LRMDA: variants seen among roughly 807,000 people sequenced by gnomAD.
LRMDA encodes leucine-rich melanocyte differentiation-associated protein.
In LRMDA, 18 loss-of-function variants were observed where a neutral mutation model predicts 29.8. That is an observed-to-expected ratio of 0.60 (90% CI 0.42 to 0.90). The LOEUF (loss-of-function observed/expected upper bound fraction) is 0.90, where lower values mean the gene tolerates loss of function less well. LRMDA is among the 40% of genes least tolerant of loss of function. The pLI is 0.00. For missense variants in LRMDA, 273 were observed against 273.9 expected (o/e 1.00, Z 0.02); for synonymous variants, 125 against 109.4 (o/e 1.14, Z -0.89).
intron 2 of LRMDA, among the ~76,000 whole-genome samples, chr10:75,443,172 C>G (rs1844349535): frequency 6.6e-6 from 1 of 152,240 alleles, no homozygotes; most frequent in Middle Eastern, 3.4e-3. Flanking sequence ...TTACTTCCTC[C>G]TTTCCAATTT....
chr10:76,046,510 CTTT>C (rs1173356271), intron 3 of LRMDA, among the ~76,000 whole-genome samples: 2 of 151,650 alleles, frequency 1.3e-5, no homozygotes, highest in Admixed American at 6.6e-5. Flanking sequence ...TTGTTTTTTT[CTTT>C]TGAGACAGAG....
At chr10:76,540,627 GA>G in intron 6 of LRMDA, among the ~76,000 whole-genome samples, 1 of 152,298 alleles carries the variant, frequency 6.6e-6, no homozygotes, top group South Asian at 2.1e-4. Context: ...CATTGGAAAT[GA>G]AAACATATTA....
At chr10:76,135,154 A>G (rs1404191813) in intron 5 of LRMDA, among the ~76,000 whole-genome samples, 1 of 152,212 alleles carries the variant, frequency 6.6e-6, no homozygotes, top group Admixed American at 6.5e-5. Context: ...ATTATACTAT[A>G]CAGAAGGACC....
intron 2 of LRMDA, among the ~76,000 whole-genome samples, chr10:75,732,777 AGAGT>A (rs1425499067): frequency 6.6e-6 from 1 of 152,188 alleles, no homozygotes; most frequent in Non-Finnish European, 1.5e-5. Flanking sequence ...TACTTTTGAT[AGAGT>A]TCTGGATACC....
chr10:76,096,351 C>T (rs920759852), intron 5 of LRMDA, among the ~76,000 whole-genome samples: 6 of 151,920 alleles, frequency 3.9e-5, no homozygotes, highest in Non-Finnish European at 8.8e-5. Context: ...AGATATTGAA[C>T]TGCTTCAGCT....
At chr10:75,647,879 A>C (rs1161511387) in intron 2 of LRMDA, among the ~76,000 whole-genome samples, 1 of 151,668 alleles carries the variant, frequency 6.6e-6, no homozygotes, top group Admixed American at 6.6e-5. Flanking sequence ...CTCACCCACC[A>C]CCCCTACCCA....
At chr10:75,860,051 T>C (rs1844895706) in intron 2 of LRMDA, among the ~76,000 whole-genome samples, 1 of 152,180 alleles carries the variant, frequency 6.6e-6, no homozygotes, top group African/African-American at 2.4e-5. Context: ...AATTTCTAAT[T>C]ATACAGAAAA....
intron 6 of LRMDA, among the ~76,000 whole-genome samples, chr10:76,501,929 TGCCAAG>T (rs1474318667): frequency 5.3e-5 from 8 of 152,040 alleles, no homozygotes; most frequent in Admixed American, 5.3e-4. Flanking sequence ...CAAAATTCTT[TGCCAAG>T]GCCTCTGTCA....
chr10:75,609,115 G>T (rs962632977), intron 2 of LRMDA, among the ~76,000 whole-genome samples: 2 of 152,162 alleles, frequency 1.3e-5, no homozygotes, highest in African/African-American at 4.8e-5. Flanking sequence ...AGCATTCAGG[G>T]TTGTGCTAGC....
chr10:75,563,711 G>A (rs1449904273), intron 2 of LRMDA, among the ~76,000 whole-genome samples: 2 of 151,938 alleles, frequency 1.3e-5, no homozygotes, highest in African/African-American at 4.8e-5. Context: ...GATTTTTGGT[G>A]TGGATGTCCT....
chr10:76,038,944 G>A (rs1848297160), intron 3 of LRMDA, among the ~76,000 whole-genome samples: 1 of 152,190 alleles, frequency 6.6e-6, no homozygotes. Context: ...CTACCTGGAG[G>A]CTCAACTGGG....
At chr10:76,034,191 T>C (rs1848200505) in intron 2 of LRMDA, among the ~76,000 whole-genome samples, 2 of 152,136 alleles carry the variant, frequency 1.3e-5, no homozygotes, top group Non-Finnish European at 2.9e-5. Flanking sequence ...TTAAATTTTT[T>C]TTTTGTTTGT....
chr10:76,335,651 A>G (rs977524443), intron 6 of LRMDA, among the ~76,000 whole-genome samples: 2 of 152,192 alleles, frequency 1.3e-5, no homozygotes, highest in Non-Finnish European at 2.9e-5. Flanking sequence ...CCAGAAAGGC[A>G]GATAACTTTA....
At chr10:75,569,922 A>G (rs561865791) in intron 2 of LRMDA, among the ~76,000 whole-genome samples, 35 of 152,390 alleles carry the variant, frequency 2.3e-4, no homozygotes, top group African/African-American at 8.4e-4. Flanking sequence ...GGCATGGCCA[A>G]TGCTGTTCTC....
intron 6 of LRMDA, among the ~76,000 whole-genome samples, chr10:76,462,093 A>AC (rs1452239645): frequency 9.4e-5 from 14 of 149,670 alleles, no homozygotes; most frequent in Non-Finnish European, 1.9e-4. Context: ...ACACACACAC[A>AC]AAAACAACAA....
intron 6 of LRMDA, among the ~76,000 whole-genome samples, chr10:76,530,572 G>A (rs1287870521): frequency 6.6e-6 from 1 of 152,140 alleles, no homozygotes; most frequent in African/African-American, 2.4e-5. Flanking sequence ...GATAAAGTTA[G>A]CTATGATGAT....
chr10:75,991,919 A>C (rs2132460181), intron 2 of LRMDA, among the ~76,000 whole-genome samples: 1 of 152,320 alleles, frequency 6.6e-6, no homozygotes, highest in South Asian at 2.1e-4. Flanking sequence ...AAGTGGACAT[A>C]GTGTTTGACA....
intron 2 of LRMDA, among the ~76,000 whole-genome samples, chr10:75,708,749 C>T (rs1018058921): frequency 6.6e-6 from 1 of 152,180 alleles, no homozygotes; most frequent in Admixed American, 6.5e-5. Flanking sequence ...GAACATCCTG[C>T]AACTTTGGAA....
At chr10:75,546,273 G>C (rs1272636003) in intron 2 of LRMDA, among the ~76,000 whole-genome samples, 1 of 152,158 alleles carries the variant, frequency 6.6e-6, no homozygotes, top group Non-Finnish European at 1.5e-5. Context: ...TGAGGACAGT[G>C]GGGGATGTAA....
Sources: allele counts gnomAD v4.1 joint callset (sites outside exome capture counted in the v4.1 genomes callset), GRCh38; gene constraint gnomAD v4.1.1; transcripts MANE v1.5; gene names NCBI Gene and HGNC (gene_info 2026-07-23, HGNC 2026-07-21).